BMPR1B: variants seen among roughly 807,000 people sequenced by gnomAD.
BMPR1B encodes the protein bone morphogenetic protein receptor type 1B.
In BMPR1B, 12 loss-of-function variants were observed where a neutral mutation model predicts 59.1. The observed-to-expected ratio is 0.20, with a 90% CI of 0.13 to 0.33. BMPR1B has a LOEUF of 0.33. Ranked by LOEUF, BMPR1B falls within the 10% of genes least tolerant of loss-of-function variation. The probability of loss-of-function intolerance (pLI) is 1.00; values close to 1 mark genes in which losing one functional copy is unlikely to be tolerated. For synonymous variants in BMPR1B, 237 were observed against 207.3 expected, an observed-to-expected ratio of 1.14 and a Z score of -1.23; for missense variants, 550 against 610.9, an observed-to-expected ratio of 0.90 and a Z score of 1.05.
At chr4:95,027,961 C>A (rs1724540099) in intron 3 of BMPR1B, among the ~76,000 whole-genome samples, 1 of 152,126 alleles carries the variant, frequency 6.6e-6, no homozygotes, top group Non-Finnish European at 1.5e-5. Flanking sequence ...ATTGATTTAA[C>A]TTAATGAATA....
intron 2 of BMPR1B, among the ~76,000 whole-genome samples, chr4:94,880,618 CCT>C (rs1183815133): frequency 6.6e-6 from 1 of 151,388 alleles, no homozygotes. Context: ...AATCACTGCG[CCT>C]GACCATTAAA....
intron 1 of BMPR1B, among the ~76,000 whole-genome samples, chr4:94,873,144 A>T (rs1010513977): frequency 1.3e-5 from 2 of 151,192 alleles, no homozygotes; most frequent in African/African-American, 4.9e-5. Context: ...ACTTCCTCTC[A>T]CCTCCGGTCC....
rs532610083 is a variant in BMPR1B at position 94,880,440 on chromosome 4, G to A, written c.-113+4540G>A. Among the ~76,000 whole-genome samples the A allele has an allele frequency of 2.6e-5, 4 of 152,110 alleles. No individual in the cohort carries two copies. In the South Asian group the frequency reaches 6.2e-4, roughly 24 times the overall value. On this transcript the variant is annotated intron_variant, in intron 2 of 12. Transcript: ENST00000515059. ...CCTGGGCAGCAATCCTCCCACCTCA[G>A]CCTCCTGAGTAGCAGGGACTACAAG...
At chr4:94,774,398 G>A (rs1387052828) in intron 1 of BMPR1B, among the ~76,000 whole-genome samples, 1 of 152,022 alleles carries the variant, frequency 6.6e-6, no homozygotes, top group Non-Finnish European at 1.5e-5. Context: ...CTTGTCCATA[G>A]TGAATGGATT....
chr4:94,980,315 A>G (rs1245092340), intron 2 of BMPR1B, among the ~76,000 whole-genome samples: 1 of 152,220 alleles, frequency 6.6e-6, no homozygotes, highest in Non-Finnish European at 1.5e-5. Context: ...AGTTCCAAAT[A>G]GGATTACTTA....
At chr4:94,940,861 A>G (rs1375500537) in intron 2 of BMPR1B, among the ~76,000 whole-genome samples, 1 of 151,684 alleles carries the variant, frequency 6.6e-6, no homozygotes, top group East Asian at 1.9e-4. Flanking sequence ...TAGACTTTTA[A>G]CTGGTTTCTC....
chr4:95,077,281 A>G (rs1232925150), intron 3 of BMPR1B, among the ~76,000 whole-genome samples: 1 of 152,150 alleles, frequency 6.6e-6, no homozygotes, highest in Non-Finnish European at 1.5e-5. Flanking sequence ...TAAAACAGTA[A>G]TGTGCAGTAG....
chr4:95,083,465 AG>A (rs1729332495), intron 3 of BMPR1B, among the ~76,000 whole-genome samples: 1 of 152,202 alleles, frequency 6.6e-6, no homozygotes, highest in South Asian at 2.1e-4. Flanking sequence ...CTCAAGAGTT[AG>A]AAGTTTAGCT....
chr4:94,941,635 T>C (rs544527535), intron 2 of BMPR1B, among the ~76,000 whole-genome samples: 1 of 152,282 alleles, frequency 6.6e-6, no homozygotes, highest in East Asian at 1.9e-4. Context: ...AAGAAAATTA[T>C]CATTTTACAG....
intron 2 of BMPR1B, among the ~76,000 whole-genome samples, chr4:94,893,543 C>T (rs1727477292): frequency 6.6e-6 from 1 of 151,698 alleles, no homozygotes; most frequent in Non-Finnish European, 1.5e-5. Context: ...CATTTTAGTA[C>T]CATGCTAATA....
intron 2 of BMPR1B, among the ~76,000 whole-genome samples, chr4:94,979,037 C>G (rs916054455): frequency 2.0e-5 from 3 of 151,622 alleles, no homozygotes; most frequent in Non-Finnish European, 4.4e-5. Context: ...ATTCCATGAC[C>G]AATAGATTGT....
chr4:95,153,827 G>A (rs901157210), intron 12 of BMPR1B, among the ~76,000 whole-genome samples: 1 of 152,144 alleles, frequency 6.6e-6, no homozygotes, highest in African/African-American at 2.4e-5. Flanking sequence ...TCGACAGACC[G>A]AGACCCTGTC....
intron 3 of BMPR1B, among the ~76,000 whole-genome samples, chr4:95,058,313 A>T (rs570009970): frequency 6.6e-6 from 1 of 152,282 alleles, no homozygotes; most frequent in African/African-American, 2.4e-5. Flanking sequence ...TTTCAAATTT[A>T]CTTTTGAAAA....
chr4:95,015,037 C>T (rs918664976), intron 3 of BMPR1B, among the ~76,000 whole-genome samples: 2 of 152,062 alleles, frequency 1.3e-5, no homozygotes, highest in African/African-American at 4.8e-5. Context: ...ACCTTTAGGG[C>T]CTTTGTGAAT....
intron 2 of BMPR1B, among the ~76,000 whole-genome samples, chr4:94,994,778 T>C (rs1259629603): frequency 1.3e-5 from 2 of 152,166 alleles, no homozygotes; most frequent in Non-Finnish European, 2.9e-5. Context: ...TATTTGCATT[T>C]ACTGGTAAGA....
chr4:95,030,569 G>A (rs1207049520), intron 3 of BMPR1B, among the ~76,000 whole-genome samples: 1 of 151,968 alleles, frequency 6.6e-6, no homozygotes, highest in Non-Finnish European at 1.5e-5. Context: ...AGGAAAAGAG[G>A]AAGTCAAATT....
chr4:94,790,367 CATG>C (rs1722932076), intron 1 of BMPR1B, among the ~76,000 whole-genome samples: 1 of 152,148 alleles, frequency 6.6e-6, no homozygotes, highest in Non-Finnish European at 1.5e-5. Context: ...GGTGGACTAA[CATG>C]ATCAGATTAT....
intron 2 of BMPR1B, among the ~76,000 whole-genome samples, chr4:94,947,258 G>A (rs1729752562): frequency 6.6e-6 from 1 of 152,154 alleles, no homozygotes; most frequent in African/African-American, 2.4e-5. Flanking sequence ...AACCATCCGT[G>A]AACTCTTTTA....
At chr4:94,759,252 G>A (rs1348716324) in intron 1 of BMPR1B, among the ~76,000 whole-genome samples, 3 of 152,232 alleles carry the variant, frequency 2.0e-5, no homozygotes, top group Admixed American at 2.0e-4. Flanking sequence ...AAAGGTGCCA[G>A]TGAAAGACAA....
Sources: gnomAD v4.1 joint callset for allele counts (sites outside exome capture counted in the v4.1 genomes callset) on GRCh38, gnomAD v4.1.1 for gene constraint, MANE v1.5 for transcripts, NCBI Gene and HGNC (gene_info 2026-07-23, HGNC 2026-07-21) for gene names.